The following ATRNL1 variants were observed in gnomAD, a reference collection of about 807,000 sequenced individuals.
ATRNL1 encodes attractin like 1.
ATRNL1 carries 95 observed loss-of-function variants against 182.7 expected under a neutral mutation model. The ratio of observed to expected loss-of-function variants is 0.52; its 90% CI spans 0.44 to 0.62. The LOEUF (loss-of-function observed/expected upper bound fraction) is 0.62. Among genes scored for constraint, ATRNL1 ranks in the 20% least tolerant of loss-of-function variants. ATRNL1 has a pLI of 0.00. For synonymous variants in ATRNL1, 576 were observed against 568.3 expected (o/e 1.01, Z -0.19); for missense variants, 1,471 against 1,679.5 (o/e 0.88, Z 2.17).
intron 5 of ATRNL1, among the ~76,000 whole-genome samples, chr10:115,141,593 G>A (rs1171041832): frequency 6.6e-6 from 1 of 152,046 alleles, no homozygotes; most frequent in Non-Finnish European, 1.5e-5. Context: ...TTTTATCTGG[G>A]TTAGTCATAT....
intron 20 of ATRNL1, among the ~76,000 whole-genome samples, chr10:115,408,502 A>C (rs1554958972): frequency 6.6e-6 from 1 of 152,260 alleles, no homozygotes; most frequent in South Asian, 2.1e-4. Context: ...AATAGTTTGC[A>C]ACCCATTCTG....
At chr10:115,778,058 A>G (rs1420306256) in intron 27 of ATRNL1, among the ~76,000 whole-genome samples, 1 of 152,150 alleles carries the variant, frequency 6.6e-6, no homozygotes, top group African/African-American at 2.4e-5. Context: ...ACTTTCTTTG[A>G]GAATTATGGA....
chr10:115,208,952 A>C (rs955702068), intron 8 of ATRNL1, among the ~76,000 whole-genome samples: 1 of 151,886 alleles, frequency 6.6e-6, no homozygotes, highest in Admixed American at 6.6e-5. Flanking sequence ...GTTTCTGTTT[A>C]CCTTACAAGT....
chr10:115,881,995 G>C (rs1951836432), intron 28 of ATRNL1, among the ~76,000 whole-genome samples: 1 of 152,136 alleles, frequency 6.6e-6, no homozygotes. Flanking sequence ...AGCCATTTCT[G>C]ACAGGTAAAG....
At chr10:115,892,232 T>G (rs1952096934) in intron 28 of ATRNL1, among the ~76,000 whole-genome samples, 2 of 152,188 alleles carry the variant, frequency 1.3e-5, no homozygotes, top group African/African-American at 4.8e-5. Context: ...GGCTTTTGTT[T>G]ATGAGACCTG....
chr10:115,685,889 A>T (rs1946202008), intron 26 of ATRNL1, among the ~76,000 whole-genome samples: 2 of 151,594 alleles, frequency 1.3e-5, no homozygotes, highest in Admixed American at 6.6e-5. Flanking sequence ...AAACTTTTTC[A>T]TATACCAAAT....
At chr10:115,449,574 A>G (rs367858761) in intron 21 of ATRNL1, among the ~76,000 whole-genome samples, 3 of 152,190 alleles carry the variant, frequency 2.0e-5, no homozygotes, top group Non-Finnish European at 4.4e-5. Flanking sequence ...ACTGTAACAC[A>G]TGCCCTCTGG....
Position 115,286,413 on chromosome 10 carries a change from GT to G in ATRNL1, c.2415+19del. On this transcript the variant is annotated intron_variant, in intron 15 of 28. Transcript: ENST00000355044. ...TACACAACAGGTAACATTTCTACTT[GT>G]TTACATTATGGAAATATGCTATGAT... 1 of 1,422,536 alleles carries G rather than the reference GT, an allele frequency of 7.0e-7. No individual in the cohort carries two copies. The highest frequency in any genetic ancestry group is 9.4e-7 in the Non-Finnish European group (1 of 1,061,854). The allele number at this position is 1,422,536 out of a possible 1,614,324, so 88.1% of individuals were successfully genotyped here.
chr10:115,612,265 A>G (rs1308178267), intron 26 of ATRNL1, among the ~76,000 whole-genome samples: 1 of 152,156 alleles, frequency 6.6e-6, no homozygotes, highest in East Asian at 1.9e-4. Flanking sequence ...AAGAAAAAAA[A>G]AAAAGACAAC....
chr10:115,876,273 A>G (rs1019599884), intron 28 of ATRNL1, among the ~76,000 whole-genome samples: 3 of 152,180 alleles, frequency 2.0e-5, no homozygotes, highest in African/African-American at 7.2e-5. Context: ...ATTCTGTACA[A>G]TGGGGCTAAT....
At chr10:115,360,804 T>C (rs1259257653) in intron 19 of ATRNL1, among the ~76,000 whole-genome samples, 1 of 151,918 alleles carries the variant, frequency 6.6e-6, no homozygotes, top group Non-Finnish European at 1.5e-5. Context: ...CTCTTTCATT[T>C]TGTTTAATGT....
At chr10:115,179,734 A>C (rs912540326) in intron 8 of ATRNL1, among the ~76,000 whole-genome samples, 1 of 152,114 alleles carries the variant, frequency 6.6e-6, no homozygotes, top group Admixed American at 6.6e-5. Context: ...ATTAGTGGAT[A>C]AAAATGTTGG....
intron 28 of ATRNL1, among the ~76,000 whole-genome samples, chr10:115,861,676 A>G (rs1362465869): frequency 6.6e-6 from 1 of 152,168 alleles, no homozygotes; most frequent in African/African-American, 2.4e-5. Flanking sequence ...TTCGCAATAC[A>G]TGATTTTTTC....
intron 21 of ATRNL1, among the ~76,000 whole-genome samples, chr10:115,452,922 T>C (rs1847348107): frequency 6.6e-6 from 1 of 152,098 alleles, no homozygotes; most frequent in South Asian, 2.1e-4. Context: ...TTTAGATTTC[T>C]TATAAATGTG....
At chr10:115,621,276 T>TATATAGAGAGAGAGAG (rs1268020830) in intron 26 of ATRNL1, among the ~76,000 whole-genome samples, 71 of 47,548 alleles carry the variant, frequency 1.5e-3, no homozygotes, top group South Asian at 4.2e-3. Context: ...TATATATATA[T>TATATAGAGAGAGAGAG]AGAGAGAGAG....
At chr10:115,639,044 G>A (rs551826556) in intron 26 of ATRNL1, among the ~76,000 whole-genome samples, 165 of 152,248 alleles carry the variant, frequency 1.1e-3, no homozygotes, top group Non-Finnish European at 1.7e-3. Flanking sequence ...ACAGGTCCAA[G>A]AAGACAATTG....
At chr10:115,655,916 G>T (rs1209186930) in intron 26 of ATRNL1, among the ~76,000 whole-genome samples, 1 of 151,974 alleles carries the variant, frequency 6.6e-6, no homozygotes, top group Non-Finnish European at 1.5e-5. Flanking sequence ...ACTCCTACTT[G>T]CACCGTGCAC....
chr10:115,639,899 C>A (rs998303667), intron 26 of ATRNL1, among the ~76,000 whole-genome samples: 2 of 151,846 alleles, frequency 1.3e-5, no homozygotes, highest in South Asian at 2.1e-4. Context: ...TGGTTTGTTG[C>A]GCCCATCAAC....
intron 27 of ATRNL1, among the ~76,000 whole-genome samples, chr10:115,737,205 T>C (rs1364685320): frequency 6.6e-6 from 1 of 151,406 alleles, no homozygotes; most frequent in East Asian, 2.0e-4. Flanking sequence ...GCAGGAGGAT[T>C]CCTTAAGCTT....
Sources: allele counts gnomAD v4.1 joint callset (sites outside exome capture counted in the v4.1 genomes callset), GRCh38; gene constraint gnomAD v4.1.1; transcripts MANE v1.5; gene names NCBI Gene and HGNC (gene_info 2026-07-23, HGNC 2026-07-21).